Variants in RUSC2 observed in about 807,000 individuals in gnomAD.
RUSC2 encodes RUN and SH3 domain containing 2.
A neutral mutation model predicts 122.2 loss-of-function variants in RUSC2; 34 were observed. That is an observed-to-expected ratio of 0.28 (90% CI 0.21 to 0.37). The LOEUF (loss-of-function observed/expected upper bound fraction) is 0.37, where lower values mean the gene tolerates loss of function less well. RUSC2 is among the 10% of genes least tolerant of loss of function. The probability of loss-of-function intolerance (pLI) is 1.00; values close to 1 mark genes in which losing one functional copy is unlikely to be tolerated. For missense variants in RUSC2, 1,747 were observed against 1,952.4 expected (o/e 0.89, Z 1.98); for synonymous variants, 784 against 790.0 (o/e 0.99, Z 0.13).
chr9:35,501,311 T>C (rs1170515461), intron 1 of RUSC2, among the ~76,000 whole-genome samples: 1 of 152,214 alleles, frequency 6.6e-6, no homozygotes, highest in Non-Finnish European at 1.5e-5. Context: ...GTGCAGTGGC[T>C]CACACCTGGA....
At chr9:35,525,350 G>C (rs1821304597) in intron 1 of RUSC2, among the ~76,000 whole-genome samples, 1 of 152,206 alleles carries the variant, frequency 6.6e-6, no homozygotes, top group South Asian at 2.1e-4. Flanking sequence ...GTCGAATGCA[G>C]TTCCACTCAA....
intron 1 of RUSC2, among the ~76,000 whole-genome samples, chr9:35,503,210 C>T (rs138529023): frequency 2.6e-5 from 4 of 152,208 alleles, no homozygotes; most frequent in Non-Finnish European, 5.9e-5. Context: ...CACCCATCAC[C>T]TGAGCAGTGT....
chr9:35,503,292 T>C (rs1564244163), intron 1 of RUSC2, among the ~76,000 whole-genome samples: 1 of 152,148 alleles, frequency 6.6e-6, no homozygotes, highest in Non-Finnish European at 1.5e-5. Flanking sequence ...CCCCAAAGTC[T>C]ATTATATCAT....
At chr9:35,529,458 T>C (rs997963924) in intron 1 of RUSC2, among the ~76,000 whole-genome samples, 5 of 151,106 alleles carry the variant, frequency 3.3e-5, no homozygotes, top group African/African-American at 9.8e-5. Context: ...CTAGATTTTT[T>C]TCTAGAAATC....
intron 1 of RUSC2, among the ~76,000 whole-genome samples, chr9:35,520,586 G>T (rs1010107398): frequency 3.3e-5 from 5 of 152,156 alleles, no homozygotes; most frequent in African/African-American, 1.2e-4. Context: ...TGGGGTGGGG[G>T]AGCAGAGTAC....
rs142568379 is a variant in RUSC2, at chr9:35,555,445, G to A, written c.2400G>A (p.Ser800=). Residue 800 remains serine (S), a synonymous_variant, in exon 3 of 12, where the codon TCG becomes TCA. Coordinates refer to ENST00000361226, the MANE Select transcript of RUSC2 (RefSeq NM_014806.5). This position sits in a 1 kb window ranked among gnomAD's most constrained non-coding sequence, Gnocchi z 4.6. ...GPSTDSSAST[S]CSPPPEQPTA... is the part of the protein sequence containing the mutation. ...GCACTGACTCTTCTGCCTCCACTTC[G>A]TGCTCCCCTCCCCCAGAGCAGCCCA... 7.2e-5 allele frequency: 117 copies of A among 1,614,062 alleles called. No homozygotes were observed. The highest frequency in any genetic ancestry group is 1.6e-4 in the Middle Eastern group (1 of 6,084).
intron 1 of RUSC2, among the ~76,000 whole-genome samples, chr9:35,535,776 G>A (rs1301446005): frequency 1.3e-5 from 2 of 151,062 alleles, no homozygotes; most frequent in African/African-American, 2.4e-5. Flanking sequence ...TCCTGACCTC[G>A]TGATCTGCCC....
rs573181285 is a variant in RUSC2 at position 35,548,118 on chromosome 9, G to A, written c.1597G>A (p.Gly533Arg). The change falls in exon 2 of 12, where the codon GGG (glycine) becomes AGG (arginine). Residue 533 changes from glycine to arginine, a missense_variant. Coordinates refer to ENST00000361226, the MANE Select transcript of RUSC2 (RefSeq NM_014806.5). The surrounding 1 kb of genome is among the most constrained non-coding windows in gnomAD (Gnocchi z 4.5). ...RLSEGPAAMAGPGSPPRRVTS... is the reference protein window; with the variant it reads ...RLSEGPAAMARPGSPPRRVTS... ...GAGTGAGGGCCCTGCAGCCATGGCCGGGCCTGGCTCCCCACCCAGGAGGGT... is the reference window on the plus strand; with the variant it reads ...GAGTGAGGGCCCTGCAGCCATGGCCAGGCCTGGCTCCCCACCCAGGAGGGT... The A allele has an allele frequency of 8.1e-6, 13 of 1,613,108 alleles. No individual in the cohort carries two copies. Among genetic ancestry groups the A allele is most frequent in the Admixed American group, 5.0e-5 (3 of 60,010 alleles).
intron 1 of RUSC2, among the ~76,000 whole-genome samples, chr9:35,537,162 G>T (rs1483690779): frequency 1.3e-5 from 2 of 152,332 alleles, no homozygotes; most frequent in Non-Finnish European, 2.9e-5. Flanking sequence ...CCAAGCACTA[G>T]AGGTCTGAGA....
intron 1 of RUSC2, among the ~76,000 whole-genome samples, chr9:35,500,556 G>A (rs1342535727): frequency 6.6e-6 from 1 of 152,190 alleles, no homozygotes; most frequent in African/African-American, 2.4e-5. Flanking sequence ...GGATGGGCTG[G>A]TGGTTTTTTG....
rs1822139967 is a variant in RUSC2 at position 35,560,802 on chromosome 9, C to T, written c.4162C>T (p.His1388Tyr). The T allele has an allele frequency of 6.5e-7, 1 of 1,529,308 alleles. No homozygotes were observed. The highest frequency in any genetic ancestry group is 2.2e-5 in the Admixed American group (1 of 46,280). 94.7% of individuals were successfully genotyped at this position (1,529,308 alleles called of 1,614,324 possible). Residue 1388 changes from histidine to tyrosine, a missense_variant, in exon 10 of 12, where the codon CAC (histidine) becomes TAC (tyrosine). His to Tyr is a moderately conservative substitution (Grantham distance 83). Transcript: ENST00000361226. ...TTCACCTGGAGGCATCAAGTGGGGACACCTCTTTGGCTCCCGAAAAGCCCA... is the reference window on the plus strand; with the variant it reads ...TTCACCTGGAGGCATCAAGTGGGGATACCTCTTTGGCTCCCGAAAAGCCCA... ...EPSPGGIKWG[H>Y]LFGSRKAQRE...
At chr9:35,524,457 TATTA>T (rs1206558472) in intron 1 of RUSC2, among the ~76,000 whole-genome samples, 4 of 152,184 alleles carry the variant, frequency 2.6e-5, no homozygotes, top group African/African-American at 7.2e-5. Flanking sequence ...ATAGATTGCT[TATTA>T]ATTAGAGGAG....
At chr9:35,543,727 C>G (rs1821688997) in intron 1 of RUSC2, among the ~76,000 whole-genome samples, 1 of 152,130 alleles carries the variant, frequency 6.6e-6, no homozygotes, top group African/African-American at 2.4e-5. Context: ...CCTCAGCCTC[C>G]CAAAGTGCTG....
At chr9:35,523,869 C>CA (rs1262914434) in intron 1 of RUSC2, among the ~76,000 whole-genome samples, 2 of 151,602 alleles carry the variant, frequency 1.3e-5, no homozygotes, top group East Asian at 3.9e-4. Context: ...AAATCTGGGG[C>CA]AGTCTGAACA....
chr9:35,534,921 C>G (rs1821492262), intron 1 of RUSC2, among the ~76,000 whole-genome samples: 1 of 151,650 alleles, frequency 6.6e-6, no homozygotes, highest in African/African-American at 2.4e-5. Flanking sequence ...TTTTGACTAT[C>G]TTGATTGTGT....
chr9:35,493,079 T>A (rs1820601074), intron 1 of RUSC2, among the ~76,000 whole-genome samples: 1 of 152,172 alleles, frequency 6.6e-6, no homozygotes, highest in Admixed American at 6.5e-5. Flanking sequence ...GTACAGATTA[T>A]TTCATCACCC....
At chr9:35,559,775 T>C (rs1052884791) in intron 9 of RUSC2, among the ~76,000 whole-genome samples, 1 of 152,176 alleles carries the variant, frequency 6.6e-6, no homozygotes, top group East Asian at 1.9e-4. Context: ...CAGGATACTC[T>C]AGCAATCTGG....
chr9:35,507,980 C>A (rs1820947448), intron 1 of RUSC2: 1 of 154,262 alleles, frequency 6.5e-6, no homozygotes, highest in African/African-American at 2.4e-5. Flanking sequence ...ATATTGGCAG[C>A]AGTCTTACTA....
At chr9:35,497,253 T>C (rs1298522517) in intron 1 of RUSC2, among the ~76,000 whole-genome samples, 1 of 152,342 alleles carries the variant, frequency 6.6e-6, no homozygotes, top group South Asian at 2.1e-4. Flanking sequence ...AACCCATTAA[T>C]TGATAGTGCA....
Sources: gnomAD v4.1 joint callset for allele counts (sites outside exome capture counted in the v4.1 genomes callset) on GRCh38, gnomAD v4.1.1 for gene constraint, Gnocchi (gnomAD v3.1) non-coding constraint, MANE v1.5 for transcripts, NCBI Gene and HGNC (gene_info 2026-07-23, HGNC 2026-07-21) for gene names.